Variants in NRDC observed in about 807,000 individuals in gnomAD.
NRDC encodes nardilysin.
NRDC carries 54 observed loss-of-function variants against 147.1 expected under a neutral mutation model. The ratio of observed to expected loss-of-function variants is 0.37; its 90% confidence interval spans 0.29 to 0.46. The LOEUF (loss-of-function observed/expected upper bound fraction) is 0.46. NRDC is among the 20% of genes least tolerant of loss of function. The pLI, the probability that NRDC is intolerant of heterozygous loss-of-function variation, is 1.00. For synonymous variants in NRDC, 440 were observed against 482.1 expected (o/e 0.91, Z 1.14); for missense variants, 1,082 against 1,370.6 (o/e 0.79, Z 3.33).
intron 5 of NRDC, 29 bp downstream of exon 5, chr1:51,827,767 T>G: frequency 6.4e-7 from 1 of 1,569,710 alleles, no homozygotes; most frequent in Non-Finnish European, 8.8e-7. Flanking sequence ...AGGAAAAAAC[T>G]GTAGTTACAC....
At chr1:51,853,155 C>A (rs904453687) in intron 1 of NRDC, among the ~76,000 whole-genome samples, 1 of 151,356 alleles carries the variant, frequency 6.6e-6, no homozygotes. Context: ...ACCTGGGAGG[C>A]GGAGGTTGCA....
At chr1:51,790,311 T>A (rs1312277402) in intron 29 of NRDC, among the ~76,000 whole-genome samples, 1 of 152,204 alleles carries the variant, frequency 6.6e-6, no homozygotes. Context: ...CTGCTCTGAT[T>A]GAAATTGGTG....
At chr1:51,805,728 C>G (rs1226005698) in intron 18 of NRDC, among the ~76,000 whole-genome samples, 167 bp from the exon 19 acceptor site, 1 of 151,964 alleles carries the variant, frequency 6.6e-6, no homozygotes, top group Admixed American at 6.6e-5. Context: ...CAGTATTTAC[C>G]ATTCCAAATA....
rs200131840 is a variant in NRDC at position 51,791,567 on chromosome 1, C to T, written c.2960+11G>A. 1.3e-6 allele frequency: 2 copies of T among 1,596,854 alleles called. No individual in the cohort carries two copies. Among genetic ancestry groups the T allele is most frequent in the East Asian group, 4.5e-5 (2 of 44,786 alleles). ...AATAGGTTACACTCATCTATTCACT[C>T]ACTCACTCACTTGTATTTGGTTGCC... On this transcript the variant is annotated intron_variant, in intron 27 of 30. Coordinates refer to ENST00000352171, the MANE Select transcript of NRDC (RefSeq NM_001101662.2).
intron 1 of NRDC, among the ~76,000 whole-genome samples, chr1:51,851,741 A>G (rs1681961176): frequency 6.6e-6 from 1 of 152,180 alleles, no homozygotes. Flanking sequence ...AGGACACTTA[A>G]TAGTGTCATG....
intron 1 of NRDC, among the ~76,000 whole-genome samples, chr1:51,855,508 G>A (rs752685831): frequency 3.0e-4 from 46 of 151,078 alleles, no homozygotes; most frequent in Non-Finnish European, 5.3e-4. Context: ...AAAATGAAAA[G>A]AGTTCACTGT....
At chr1:51,819,728 G>T in intron 9 of NRDC, 72 bp downstream of exon 9, 1 of 1,172,588 alleles carries the variant, frequency 8.5e-7, no homozygotes, top group Non-Finnish European at 1.2e-6. Flanking sequence ...AATGAAAATT[G>T]GCAGCTTCAA....
At chr1:51,792,897 A>C (rs1375117905) in intron 24 of NRDC, among the ~76,000 whole-genome samples, 1 of 152,250 alleles carries the variant, frequency 6.6e-6, no homozygotes, top group Non-Finnish European at 1.5e-5. Flanking sequence ...TCAGAGAAAG[A>C]AGCCACGCTT....
intron 2 of NRDC, 130 bp from the exon 3 acceptor site, chr1:51,836,342 C>T (rs757900726): frequency 6.2e-7 from 1 of 1,608,664 alleles, no homozygotes; most frequent in South Asian, 1.1e-5. Flanking sequence ...CCCTGAGAAT[C>T]AGGAGGAGCA....
At chr1:51,840,664 T>G in intron 1 of NRDC, 150 bp from the exon 2 acceptor site, 1 of 618,052 alleles carries the variant, frequency 1.6e-6, no homozygotes, top group Non-Finnish European at 2.7e-6. Flanking sequence ...TAAAATTGGT[T>G]GCTCTGGAGA....
At chr1:51,818,256 C>T in intron 9 of NRDC, 121 bp from the exon 10 acceptor site, 2 of 613,602 alleles carry the variant, frequency 3.3e-6, no homozygotes, top group East Asian at 3.3e-5. Context: ...AAGTACAATG[C>T]AGTTATTGTT....
chr1:51,878,590 G>A lies in NRDC; in HGVS notation c.26C>T (p.Ala9Val), dbSNP rs1288999994. 6.2e-7 allele frequency: 1 copy of A among 1,612,416 alleles called. No individual in the cohort carries two copies. The highest frequency in any genetic ancestry group is 8.5e-7 in the Non-Finnish European group (1 of 1,179,468). ...CAACTTCCTCCGGGTGGCACAGACT[G>A]CAGCAACAGTGACTCTCCTCAGCAT... MLRRVTVA[A>V]VCATRRKLCE... The change falls in exon 1 of 31, where the codon GCA becomes GTA. Residue 9 changes from alanine (A) to valine (V), a missense_variant. Ala to Val is a moderately conservative substitution (Grantham distance 64, BLOSUM62 0). This residue lies in a region of NRDC where 260 missense variants were observed against 253.2 expected (regional missense o/e 1.03). Coordinates refer to ENST00000352171, the MANE Select transcript of NRDC (RefSeq NM_001101662.2).
chr1:51,864,089 A>G (rs1307632693), intron 1 of NRDC, among the ~76,000 whole-genome samples: 1 of 152,242 alleles, frequency 6.6e-6, no homozygotes, highest in Admixed American at 6.5e-5. Context: ...TGAAAAACAG[A>G]AAGATCATAT....
At chr1:51,863,418 A>G (rs970706494) in intron 1 of NRDC, among the ~76,000 whole-genome samples, 1 of 152,122 alleles carries the variant, frequency 6.6e-6, no homozygotes, top group Non-Finnish European at 1.5e-5. Context: ...AAAAAAAATT[A>G]GCTTTTGGTG....
chr1:51,834,276 A>G, intron 3 of NRDC, 106 bp from the exon 4 acceptor site: 1 of 1,107,946 alleles, frequency 9.0e-7, no homozygotes, highest in Non-Finnish European at 1.3e-6. Context: ...AAATAGACCA[A>G]CACATCAAAT....
intron 8 of NRDC, 62 bp downstream of exon 8, chr1:51,821,436 C>T: frequency 8.9e-7 from 1 of 1,123,014 alleles, no homozygotes; most frequent in South Asian, 1.4e-5. Flanking sequence ...CTTTGGGACT[C>T]ATACAAGATA....
intron 10 of NRDC, 82 bp downstream of exon 10, chr1:51,817,984 C>G: frequency 2.0e-6 from 2 of 998,146 alleles, no homozygotes; most frequent in South Asian, 1.5e-5. Context: ...AATTCAGAAC[C>G]CCCAAACTTA....
Position 51,840,486 on chromosome 1 carries a change from C to T in NRDC, c.370G>A (p.Ala124Thr). 2 of 1,606,772 alleles carry T rather than the reference C, an allele frequency of 1.2e-6. No homozygotes were observed. The highest frequency in any genetic ancestry group is 1.7e-6 in the Non-Finnish European group (2 of 1,177,430). The change falls in exon 2 of 31, where the codon GCA becomes ACA. Residue 124 changes from alanine to threonine, a missense_variant. This residue lies in a region of NRDC where 260 missense variants were observed against 253.2 expected (regional missense o/e 1.03). Coordinates refer to ENST00000352171, the MANE Select transcript of NRDC (RefSeq NM_001101662.2). ...TTACTTAGGTCTGAAATCAGAAGTGCCTGCAAGCCATTCTGTAATTTGATG... is the reference window on the plus strand; with the variant it reads ...TTACTTAGGTCTGAAATCAGAAGTGTCTGCAAGCCATTCTGTAATTTGATG... Reference protein sequence around the residue: ...RYIKLQNGLQALLISDLSNME... With the variant: ...RYIKLQNGLQTLLISDLSNME...
chr1:51,791,782 A>T, intron 26 of NRDC, 121 bp from the exon 27 acceptor site: 1 of 812,750 alleles, frequency 1.2e-6, no homozygotes, highest in Non-Finnish European at 2.0e-6. Context: ...AAGTCCTGAA[A>T]CAGGACCCAA....
Sources: allele counts gnomAD v4.1 joint callset (sites outside exome capture counted in the v4.1 genomes callset), GRCh38; gene constraint gnomAD v4.1.1; regional missense constraint gnomAD v4.1.1; transcripts MANE v1.5; gene names NCBI Gene and HGNC (gene_info 2026-07-23, HGNC 2026-07-21).